Variants in NMT2 observed in about 807,000 individuals in gnomAD.
The protein encoded by NMT2 is N-myristoyltransferase 2.
Under a neutral mutation model 65.4 loss-of-function variants are expected in NMT2, and 35 were observed. The observed-to-expected ratio is 0.54, with a 90% CI of 0.41 to 0.71. The LOEUF (loss-of-function observed/expected upper bound fraction) is 0.71, where lower values mean the gene tolerates loss of function less well. NMT2 is among the 30% of genes least tolerant of loss of function. NMT2 has a pLI of 0.00. For missense variants in NMT2, 489 were observed against 611.3 expected (o/e 0.80, Z 2.11); for synonymous variants, 226 against 231.8 (o/e 0.98, Z 0.23).
At chr10:15,143,570 T>C (rs1225248414) in intron 1 of NMT2, among the ~76,000 whole-genome samples, 1 of 152,212 alleles carries the variant, frequency 6.6e-6, no homozygotes, top group African/African-American at 2.4e-5. Context: ...GTTAGTAATT[T>C]GCTCAGCCAG....
chr10:15,168,481 T>C, intron 1 of NMT2, 22 bp downstream of exon 1: 1 of 1,550,156 alleles, frequency 6.5e-7, no homozygotes, highest in Non-Finnish European at 8.8e-7. Context: ...TCGCGCCCGG[T>C]GCGCCAGCGC....
chr10:15,115,873 T>C (rs112485324), intron 9 of NMT2, among the ~76,000 whole-genome samples: 1 of 152,120 alleles, frequency 6.6e-6, no homozygotes, highest in African/African-American at 2.4e-5. Context: ...ATCAATCCAC[T>C]AGGGAGACAC....
At chr10:15,130,721 A>G (rs922959018) in intron 6 of NMT2, among the ~76,000 whole-genome samples, 3 of 150,172 alleles carry the variant, frequency 2.0e-5, no homozygotes, top group East Asian at 3.9e-4. Context: ...AAAAAAAAAA[A>G]AAAAAAGAAA....
intron 1 of NMT2, among the ~76,000 whole-genome samples, chr10:15,145,373 T>C (rs954060062): frequency 3.3e-5 from 5 of 152,064 alleles, no homozygotes; most frequent in African/African-American, 1.2e-4. Flanking sequence ...TGGTATACTT[T>C]ATTTATTTTT....
In NMT2 at chr10:15,166,471, C is replaced by T. The variant is rs537618473; in HGVS notation, c.110+2032G>A. ...TTAAAGAAAACCTAGGTTTCTACTG[C>T]GATATCATCAGTACATGAGCCAAAT... On this transcript the variant is annotated intron_variant, in intron 1 of 11. Transcript: ENST00000378165. Among the ~76,000 whole-genome samples, 119 of 152,266 alleles carry T rather than the reference C, an allele frequency of 7.8e-4. No individual in the cohort carries two copies. The South Asian group carries it at 0.021, about 27-fold the overall frequency.
intron 2 of NMT2, among the ~76,000 whole-genome samples, chr10:15,139,977 C>A (rs370947607): frequency 6.9e-6 from 1 of 144,800 alleles, no homozygotes; most frequent in Admixed American, 7.2e-5. Context: ...GATCGAACTG[C>A]GAGTTAGAGA....
Position 15,119,507 on chromosome 10 carries a change from T to C in NMT2, c.1006A>G (p.Lys336Glu), listed in dbSNP as rs761364048. 1.9e-6 allele frequency: 3 copies of C among 1,613,492 alleles called. No homozygotes were observed. Among genetic ancestry groups the C allele is most frequent in the Non-Finnish European group, 2.5e-6 (3 of 1,179,724 alleles). Reference sequence around the variant, plus strand: ...TCCATTGGTCTCAAACCTGAAGTCTTTGTAACCTTGTTGGAGGGGAAACAA... The same window carrying C: ...TCCATTGGTCTCAAACCTGAAGTCTCTGTAACCTTGTTGGAGGGGAAACAA... ...MKLYRLPDVT[K>E]TSGLRPMEPK... Residue 336 changes from lysine to glutamate, a missense_variant, in exon 9 of 12, where the codon AAG becomes GAG. Transcript: ENST00000378165.
At position 15,133,158 on chromosome 10, in the gene NMT2, C is replaced by T. The variant is rs935106805; in HGVS notation, c.511-14G>A. ...TAACTCCTTGAGCTATAAGATAAAA[C>T]AAGTGTCCTATCCATGGTGCTCAGA... On this transcript the variant is annotated splice_polypyrimidine_tract_variant and intron_variant, in intron 4 of 11. Coordinates refer to ENST00000378165, the MANE Select transcript of NMT2 (RefSeq NM_004808.3). 3 of 1,607,484 alleles carry T rather than the reference C, an allele frequency of 1.9e-6. No individual in the cohort carries two copies. Among genetic ancestry groups the T allele is most frequent in the African/African-American group, 2.7e-5 (2 of 74,774 alleles).
intron 1 of NMT2, among the ~76,000 whole-genome samples, chr10:15,155,923 G>A (rs1364191127): frequency 2.0e-5 from 3 of 152,010 alleles, no homozygotes; most frequent in Non-Finnish European, 4.4e-5. Context: ...AGGCGGGGAC[G>A]CTGGCAAAGA....
Position 15,107,301 on chromosome 10 carries a change from A to G in NMT2, c.*1894T>C, listed in dbSNP as rs941847109. On this transcript the variant is annotated 3_prime_UTR_variant, in exon 12 of 12. Transcript: ENST00000378165. ...CAAAAATAAGCAATGGGCTGGATTTAGCCCACAGGCCATAGTTTGGTGGCC... is the reference window on the plus strand; with the variant it reads ...CAAAAATAAGCAATGGGCTGGATTTGGCCCACAGGCCATAGTTTGGTGGCC... The G allele has an allele frequency of 9.3e-5, 89 of 961,458 alleles. No individual in the cohort carries two copies. The highest frequency in any genetic ancestry group is 1.1e-4 in the Non-Finnish European group (87 of 808,148). The allele number at this position is 961,458 out of a possible 1,614,324, so 59.6% of individuals were successfully genotyped here.
chr10:15,143,352 C>T (rs890313436), intron 1 of NMT2, among the ~76,000 whole-genome samples: 1 of 152,228 alleles, frequency 6.6e-6, no homozygotes, highest in Non-Finnish European at 1.5e-5. Flanking sequence ...ACCATGTATT[C>T]TAACTGCTAC....
At chr10:15,158,125 G>A (rs1344385389) in intron 1 of NMT2, among the ~76,000 whole-genome samples, 2 of 152,084 alleles carry the variant, frequency 1.3e-5, no homozygotes, top group Non-Finnish European at 2.9e-5. Context: ...AGACCATCCT[G>A]GCCAACATGG....
chr10:15,148,985 C>T (rs145281685), intron 1 of NMT2, among the ~76,000 whole-genome samples: 4 of 152,298 alleles, frequency 2.6e-5, no homozygotes, highest in Non-Finnish European at 5.9e-5. Context: ...GGAACACTCA[C>T]ATGCTGTTGG....
intron 9 of NMT2, among the ~76,000 whole-genome samples, chr10:15,115,418 A>G (rs1212012293): frequency 6.6e-6 from 1 of 152,228 alleles, no homozygotes; most frequent in Non-Finnish European, 1.5e-5. Flanking sequence ...ATATATTGTA[A>G]TACTCACATC....
rs1846440951 is a variant in NMT2, at chr10:15,135,297, T to C, written c.368A>G (p.Asp123Gly). The change falls in exon 3 of 12, where the codon GAC becomes GGC. Residue 123 changes from aspartate to glycine, a missense_variant. Transcript: ENST00000378165. ...EAAKHRYQFW[D>G]TQPVPKLDEV... ...ACCTAGTTTTGGTACCGGTTGTGTGTCCCAAAACTGGTATCTGTGCTTTGC... is the reference window on the plus strand; with the variant it reads ...ACCTAGTTTTGGTACCGGTTGTGTGCCCCAAAACTGGTATCTGTGCTTTGC... 1.9e-6 allele frequency: 3 copies of C among 1,614,122 alleles called. No homozygotes were observed. The highest frequency in any genetic ancestry group is 2.5e-6 in the Non-Finnish European group (3 of 1,180,020).
At chr10:15,134,297 C>T (rs73604548) in intron 3 of NMT2, among the ~76,000 whole-genome samples, 2,555 of 152,238 alleles carry the variant, frequency 0.017, 74 homozygotes, top group African/African-American at 0.058. Context: ...CTGCCTGCCT[C>T]GGCCCCTCTC....
At chr10:15,140,354 G>A (rs1270159851) in intron 2 of NMT2, among the ~76,000 whole-genome samples, 2 of 152,024 alleles carry the variant, frequency 1.3e-5, no homozygotes, top group African/African-American at 4.8e-5. Flanking sequence ...GAACTCCTGG[G>A]CTCAAGGGAT....
In NMT2 at chr10:15,108,376, G is replaced by A; in HGVS notation, c.*819C>T. The A allele has an allele frequency of 2.0e-6, 1 of 502,518 alleles. No individual in the cohort carries two copies. Among genetic ancestry groups the A allele is most frequent in the Non-Finnish European group, 2.6e-6 (1 of 389,142 alleles). 31.1% of individuals were successfully genotyped at this position (502,518 alleles called of 1,614,324 possible). A position where few individuals can be genotyped will look rare whatever the true frequency, so the allele number is the denominator to read the frequency against. ...TAATTTTTGTATTTTTAGTAGAGAT[G>A]GGGTTTCACTATGTTGGCCAGAATG... On this transcript the variant is annotated 3_prime_UTR_variant, in exon 12 of 12. Transcript: ENST00000378165.
intron 6 of NMT2, 85 bp from the exon 7 acceptor site, chr10:15,130,397 C>A: frequency 9.8e-7 from 1 of 1,016,380 alleles, no homozygotes; most frequent in South Asian, 2.1e-5. Flanking sequence ...AAGATGATAC[C>A]CAGGAAATAT....
Sources: allele counts gnomAD v4.1 joint callset (sites outside exome capture counted in the v4.1 genomes callset), GRCh38; gene constraint gnomAD v4.1.1; transcripts MANE v1.5; gene names NCBI Gene and HGNC (gene_info 2026-07-23, HGNC 2026-07-21).